CHD1L: variants seen among roughly 807,000 people sequenced by gnomAD.
The protein encoded by CHD1L is ATP-dependent chromatin remodeler CHD1L.
In CHD1L, 118 loss-of-function variants were observed where a neutral mutation model predicts 115.9. The ratio of observed to expected loss-of-function variants is 1.02; its 90% confidence interval spans 0.88 to 1.19. The LOEUF (loss-of-function observed/expected upper bound fraction) is 1.19, where lower values mean the gene tolerates loss of function less well. Ranked by LOEUF, CHD1L falls within the 50% of genes most tolerant of loss-of-function variation. The pLI is 0.00. For synonymous variants in CHD1L, 411 were observed against 387.1 expected (o/e 1.06, Z -0.72); for missense variants, 1,179 against 1,065.3 (o/e 1.11, Z -1.49).
At chr1:147,232,524 T>C in the CHD1L span, among the ~76,000 whole-genome samples, 1 of 152,090 alleles carries the variant, frequency 6.6e-6, no homozygotes, top group Middle Eastern at 3.4e-3. Flanking sequence ...CTCCCTCTCT[T>C]TCCATGGTCT....
At chr1:147,197,975 AAG>A in the CHD1L span, among the ~76,000 whole-genome samples, 1 of 152,214 alleles carries the variant, frequency 6.6e-6, no homozygotes, top group Non-Finnish European at 1.5e-5. Flanking sequence ...GGTGGGAAGG[AAG>A]AGAGTCTGAA....
chr1:147,244,034 TC>T (rs1321904689), intron 1 of CHD1L, among the ~76,000 whole-genome samples: 1 of 152,214 alleles, frequency 6.6e-6, no homozygotes, highest in Non-Finnish European at 1.5e-5. Context: ...GGAGTATGTA[TC>T]CAGTTTTAAG....
chr1:147,201,529 T>C, the CHD1L span: 1 of 1,569,148 alleles, frequency 6.4e-7, no homozygotes, highest in Non-Finnish European at 8.7e-7. Flanking sequence ...AAAGATCAAG[T>C]GGAGAAATGA....
At chr1:147,180,783 C>T in the CHD1L span, among the ~76,000 whole-genome samples, 14 of 152,212 alleles carry the variant, frequency 9.2e-5, no homozygotes, top group Non-Finnish European at 1.3e-4. Context: ...AGAACAGATA[C>T]AGGTCCACCT....
At chr1:147,192,735 C>T in the CHD1L span, among the ~76,000 whole-genome samples, 2 of 152,048 alleles carry the variant, frequency 1.3e-5, no homozygotes, top group Admixed American at 6.6e-5. Flanking sequence ...TTGTTGAATT[C>T]TGTCAAAGGC....
the CHD1L span, among the ~76,000 whole-genome samples, chr1:147,235,664 T>TA: frequency 1.3e-5 from 2 of 151,836 alleles, no homozygotes; most frequent in Admixed American, 6.6e-5. Flanking sequence ...AGGGTTAGGG[T>TA]AAAAAAAATG....
the CHD1L span, chr1:147,213,434 C>T: frequency 1.4e-5 from 22 of 1,611,874 alleles, no homozygotes; most frequent in Non-Finnish European, 1.9e-5. Context: ...CCTGAAGTGG[C>T]AAAATCAGGC....
At chr1:147,276,316 A>G in intron 14 of CHD1L, 59 bp downstream of exon 14, 7 of 1,553,062 alleles carry the variant, frequency 4.5e-6, no homozygotes, top group Non-Finnish European at 6.1e-6. Flanking sequence ...TGTGGAGGAG[A>G]ATGTAAATGA....
At chr1:147,190,373 G>T in the CHD1L span, 274 of 603,872 alleles carry the variant, frequency 4.5e-4, no homozygotes, top group Non-Finnish European at 4.9e-4. Context: ...ACTCAAGGAG[G>T]TTACAATTCA....
rs369023574 is a variant in CHD1L, at chr1:147,270,349, G to A, written c.1086-583G>A. On this transcript the variant is annotated intron_variant, in intron 10 of 22. Coordinates refer to ENST00000369258, the MANE Select transcript of CHD1L (RefSeq NM_004284.6). ...CCTCTCGCTATACAAAAATTTTCTC[G>A]TGTTATGGAAAATGAGACATCACTT... Among the ~76,000 whole-genome samples the A allele has an allele frequency of 5.3e-5, 8 of 151,972 alleles. No individual in the cohort carries two copies. The East Asian group carries it at 9.7e-4, about 18-fold the overall frequency.
At chr1:147,204,801 A>G in the CHD1L span, 1 of 1,600,514 alleles carries the variant, frequency 6.2e-7, no homozygotes, top group Admixed American at 1.7e-5. Context: ...CATATGCTGT[A>G]CGAGTGGTTT....
At chr1:147,274,472 G>A (rs896668941) in intron 12 of CHD1L, among the ~76,000 whole-genome samples, 27 of 152,142 alleles carry the variant, frequency 1.8e-4, no homozygotes, top group Non-Finnish European at 1.0e-4. Flanking sequence ...CTTCTTAAAA[G>A]TTAGTCCTTA....
chr1:147,271,233 T>G (rs1049498084), intron 11 of CHD1L: 1 of 383,732 alleles, frequency 2.6e-6, no homozygotes, highest in South Asian at 6.3e-5. Flanking sequence ...TTCCCATCAG[T>G]TACATGATTT....
chr1:147,225,285 A>T, the CHD1L span: 2 of 876,926 alleles, frequency 2.3e-6, no homozygotes, highest in Non-Finnish European at 3.2e-6. Context: ...ACCGGATCTC[A>T]CCGCCTTTCC....
chr1:147,236,750 G>A, the CHD1L span, among the ~76,000 whole-genome samples: 5,608 of 152,220 alleles, frequency 0.037, 109 homozygotes, highest in African/African-American at 0.047. Context: ...TCCTCTCTGC[G>A]GCTGGTTATC....
At chr1:147,284,521 A>T in intron 16 of CHD1L, 22 bp downstream of exon 16, 1 of 1,542,976 alleles carries the variant, frequency 6.5e-7, no homozygotes, top group Non-Finnish European at 8.7e-7. Flanking sequence ...TAATTTATTT[A>T]AAAGTTGTTC....
chr1:147,233,756 A>T, the CHD1L span, among the ~76,000 whole-genome samples: 2 of 151,888 alleles, frequency 1.3e-5, no homozygotes, highest in South Asian at 4.2e-4. Context: ...ACTAAGAAAA[A>T]TTCTTCTGCC....
the CHD1L span, chr1:147,175,630 G>GT: frequency 2.0e-5 from 3 of 152,038 alleles, no homozygotes; most frequent in Non-Finnish European, 2.9e-5. Context: ...TACCATAACT[G>GT]TAAGTTTCTG....
chr1:147,272,882 T>G (rs1676782530), intron 12 of CHD1L, among the ~76,000 whole-genome samples: 1 of 142,980 alleles, frequency 7.0e-6, no homozygotes, highest in Admixed American at 7.3e-5. Context: ...GAAATGATTC[T>G]CTAAGTCATT....
Sources: allele counts gnomAD v4.1 joint callset (sites outside exome capture counted in the v4.1 genomes callset), GRCh38; gene constraint gnomAD v4.1.1; transcripts MANE v1.5; gene names NCBI Gene and HGNC (gene_info 2026-07-23, HGNC 2026-07-21).